The following BMPR1B variants were observed in gnomAD, a reference collection of about 807,000 sequenced individuals.
BMPR1B encodes bone morphogenetic protein receptor type 1B.
BMPR1B carries 12 observed loss-of-function variants against 59.1 expected under a neutral mutation model. The ratio of observed to expected loss-of-function variants is 0.20; its 90% CI spans 0.13 to 0.33. The LOEUF is 0.33. Among genes scored for constraint, BMPR1B ranks in the 10% least tolerant of loss-of-function variants. The pLI is 1.00. For missense variants in BMPR1B, 550 were observed against 610.9 expected (o/e 0.90, Z 1.05); for synonymous variants, 237 against 207.3 (o/e 1.14, Z -1.23).
intron 2 of BMPR1B, among the ~76,000 whole-genome samples, chr4:94,958,447 G>C (rs1730236744): frequency 6.6e-6 from 1 of 152,046 alleles, no homozygotes; most frequent in Admixed American, 6.6e-5. Flanking sequence ...GGTTCTTGTG[G>C]GACCTCTCTC....
intron 6 of BMPR1B, among the ~76,000 whole-genome samples, chr4:95,116,421 G>GCGCGCACACACACACTCACACACACA: frequency 8.1e-6 from 1 of 123,198 alleles, no homozygotes; most frequent in African/African-American, 3.6e-5. Context: ...TTCAGCGCGC[G>GCGCGCACACACACACTCACACACACA]CACACACACA....
chr4:95,016,617 A>G (rs1723605429), intron 3 of BMPR1B, among the ~76,000 whole-genome samples: 1 of 152,206 alleles, frequency 6.6e-6, no homozygotes, highest in African/African-American at 2.4e-5. Context: ...AAGAGAAAAG[A>G]ATGGCAAGAG....
intron 3 of BMPR1B, among the ~76,000 whole-genome samples, chr4:95,092,654 A>G (rs1730076544): frequency 6.6e-6 from 1 of 152,122 alleles, no homozygotes; most frequent in East Asian, 1.9e-4. Context: ...TACCTTTAAC[A>G]GTTTTCCTAT....
chr4:94,810,361 A>G (rs755880154), intron 1 of BMPR1B, among the ~76,000 whole-genome samples: 6 of 152,232 alleles, frequency 3.9e-5, no homozygotes, highest in Non-Finnish European at 8.8e-5. Flanking sequence ...ATAAATATGT[A>G]TGTAACCACA....
intron 1 of BMPR1B, among the ~76,000 whole-genome samples, chr4:94,841,410 G>T (rs773070232): frequency 4.0e-5 from 6 of 151,122 alleles, no homozygotes; most frequent in African/African-American, 1.2e-4. Context: ...TAGCAATCAG[G>T]GAGACTCCAT....
chr4:95,131,353 A>C lies in BMPR1B; in HGVS notation c.917A>C (p.Tyr306Ser). 1 of 1,613,960 alleles carries C rather than the reference A, an allele frequency of 6.2e-7. No homozygotes were observed. Among genetic ancestry groups the C allele is most frequent in the Non-Finnish European group, 8.5e-7 (1 of 1,179,974 alleles). Reference protein sequence around the residue: ...LDAKSMLKLAYSSVSGLCHLH... With the variant: ...LDAKSMLKLASSSVSGLCHLH... The stretch of plus-strand genomic sequence containing the variant: ...GCTAAATCAATGCTGAAGTTAGCCT[A>C]CTCTTCTGTCAGTGGCTTATGTCAT... The change falls in exon 10 of 13, where the codon TAC becomes TCC. Residue 306 changes from tyrosine to serine, a missense_variant. This residue lies in a region of BMPR1B where 318 missense variants were observed against 284.6 expected (regional missense o/e 1.12). Transcript: ENST00000515059.
intron 10 of BMPR1B, among the ~76,000 whole-genome samples, chr4:95,143,370 C>T (rs1390560339): frequency 2.0e-5 from 3 of 152,238 alleles, no homozygotes; most frequent in Non-Finnish European, 2.9e-5. Context: ...CCATCACCCC[C>T]TCCTTGGTAT....
At chr4:95,121,581 A>G (rs558179095) in intron 6 of BMPR1B, among the ~76,000 whole-genome samples, 2 of 152,348 alleles carry the variant, frequency 1.3e-5, no homozygotes, top group East Asian at 3.9e-4. Context: ...ATGCAAATGT[A>G]TGTATGCATA....
chr4:94,975,387 G>A (rs1415031049), intron 2 of BMPR1B, among the ~76,000 whole-genome samples: 63 of 106,040 alleles, frequency 5.9e-4, no homozygotes, highest in African/African-American at 1.6e-3. Flanking sequence ...TTTTTGAGAC[G>A]GGGTCTCATC....
chr4:95,105,998 C>T (rs1579087279), intron 4 of BMPR1B, among the ~76,000 whole-genome samples: 2 of 151,968 alleles, frequency 1.3e-5, no homozygotes, highest in East Asian at 3.9e-4. Context: ...AATATTTTGT[C>T]CTGTTTTCCT....
chr4:95,042,947 G>C (rs1221075326), intron 3 of BMPR1B, among the ~76,000 whole-genome samples: 1 of 151,086 alleles, frequency 6.6e-6, no homozygotes. Context: ...AGGCCGAGGC[G>C]GGTGGATCAT....
At chr4:94,846,115 C>T (rs759783922) in intron 1 of BMPR1B, among the ~76,000 whole-genome samples, 4 of 152,224 alleles carry the variant, frequency 2.6e-5, no homozygotes, top group East Asian at 3.9e-4. Flanking sequence ...AAAACAGATA[C>T]ATGTTACCAG....
chr4:95,113,190 G>T (rs1403945625), intron 4 of BMPR1B, among the ~76,000 whole-genome samples: 6 of 152,104 alleles, frequency 3.9e-5, no homozygotes, highest in African/African-American at 7.2e-5. Flanking sequence ...TCAGTAAATT[G>T]GTTAAAAAGG....
At chr4:94,791,243 C>G (rs1722977751) in intron 1 of BMPR1B, among the ~76,000 whole-genome samples, 1 of 152,130 alleles carries the variant, frequency 6.6e-6, no homozygotes. Flanking sequence ...CCTGCCTTGG[C>G]CTCCCAAAGT....
chr4:94,877,796 T>C (rs1369250826), intron 2 of BMPR1B, among the ~76,000 whole-genome samples: 1 of 151,860 alleles, frequency 6.6e-6, no homozygotes, highest in Non-Finnish European at 1.5e-5. Flanking sequence ...TTTATATATG[T>C]ATAGAAGTGT....
chr4:94,758,940 CA>C (rs1721646896), intron 1 of BMPR1B, among the ~76,000 whole-genome samples: 2 of 145,480 alleles, frequency 1.4e-5, no homozygotes, highest in Admixed American at 6.9e-5. Context: ...CTCTCTCTCT[CA>C]AGAGGCTTTC....
chr4:94,992,528 G>C (rs1264559739), intron 2 of BMPR1B, among the ~76,000 whole-genome samples: 2 of 152,158 alleles, frequency 1.3e-5, no homozygotes, highest in Non-Finnish European at 2.9e-5. Context: ...TTAAAAAAAG[G>C]TAAAAACATA....
intron 2 of BMPR1B, among the ~76,000 whole-genome samples, chr4:94,963,193 ATTTG>A (rs1404557688): frequency 6.6e-6 from 1 of 151,892 alleles, no homozygotes; most frequent in African/African-American, 2.4e-5. Context: ...TATTCTTAAT[ATTTG>A]TTGTTTTGCT....
At position 94,998,885 on chromosome 4, in the gene BMPR1B, G is replaced by T. The variant is rs1432626777; in HGVS notation, c.-18+2751G>T. Among the ~76,000 whole-genome samples, 3 of 152,208 alleles carry T rather than the reference G, an allele frequency of 2.0e-5. No homozygotes were observed. The Middle Eastern group carries it at 0.01, about 518-fold the overall frequency. On this transcript the variant is annotated intron_variant, in intron 3 of 12. Coordinates refer to ENST00000515059, the MANE Select transcript of BMPR1B (RefSeq NM_001203.3). Reference sequence around the variant, plus strand: ...CTGTATCTCTCTTGCCCATCCATGAGAATATTCCCCTTTCTCTCCATTTTA... The same window carrying T: ...CTGTATCTCTCTTGCCCATCCATGATAATATTCCCCTTTCTCTCCATTTTA...
Sources: gnomAD v4.1 joint callset for allele counts (sites outside exome capture counted in the v4.1 genomes callset) on GRCh38, gnomAD v4.1.1 for gene constraint, gnomAD v4.1.1 regional missense constraint, MANE v1.5 for transcripts, NCBI Gene and HGNC (gene_info 2026-07-23, HGNC 2026-07-21) for gene names.